The following CARM1 variants were observed in gnomAD, a reference collection of about 807,000 sequenced individuals.
The protein encoded by CARM1 is histone-arginine methyltransferase CARM1.
In CARM1, 14 loss-of-function variants were observed where a neutral mutation model predicts 72.7. That is an observed-to-expected ratio of 0.19 (90% CI 0.13 to 0.30). CARM1 has a LOEUF of 0.30. CARM1 is among the 10% of genes least tolerant of loss of function. The probability of loss-of-function intolerance (pLI) is 1.00; values close to 1 mark genes in which losing one functional copy is unlikely to be tolerated. For synonymous variants in CARM1, 333 were observed against 345.5 expected (o/e 0.96, Z 0.40); for missense variants, 432 against 833.7 (o/e 0.52, Z 5.93).
chr19:10,911,569 G>A (rs1257323263), intron 4 of CARM1, among the ~76,000 whole-genome samples: 1 of 152,198 alleles, frequency 6.6e-6, no homozygotes, highest in Non-Finnish European at 1.5e-5. Context: ...CATGCCCAGA[G>A]CATTTGTCCT....
intron 1 of CARM1, among the ~76,000 whole-genome samples, chr19:10,877,360 G>A (rs2073872246): frequency 6.6e-6 from 1 of 152,198 alleles, no homozygotes; most frequent in African/African-American, 2.4e-5. Flanking sequence ...GGCAGCTAGG[G>A]AAAGGGCAGT....
At chr19:10,897,195 T>C (rs2074030533) in intron 1 of CARM1, among the ~76,000 whole-genome samples, 1 of 152,218 alleles carries the variant, frequency 6.6e-6, no homozygotes, top group Non-Finnish European at 1.5e-5. Flanking sequence ...CCACTCTTGC[T>C]GTGTGACCTT....
rs1290796686 is a variant in CARM1, at chr19:10,912,152, T to C, written c.559-32T>C. Reference sequence around the variant, plus strand: ...ACCTCCCCATCACCGTCGCCTCCTATGTCTCGCTCTCACCTCCCACTCCTC... The same window carrying C: ...ACCTCCCCATCACCGTCGCCTCCTACGTCTCGCTCTCACCTCCCACTCCTC... On this transcript the variant is annotated intron_variant, in intron 4 of 15. Coordinates refer to ENST00000327064, the MANE Select transcript of CARM1 (RefSeq NM_199141.2). The surrounding 1 kb of genome is among the most constrained non-coding windows in gnomAD (Gnocchi z 4.5). 1 of 1,532,640 alleles carries C rather than the reference T, an allele frequency of 6.5e-7. No homozygotes were observed. The highest frequency in any genetic ancestry group is 9.0e-7 in the Non-Finnish European group (1 of 1,105,678). 94.9% of individuals were successfully genotyped at this position (1,532,640 alleles called of 1,614,324 possible).
At chr19:10,875,332 CT>C (rs963869652) in intron 1 of CARM1, among the ~76,000 whole-genome samples, 13 of 148,732 alleles carry the variant, frequency 8.7e-5, no homozygotes, top group Admixed American at 1.3e-4. Context: ...CTCTTTTTTC[CT>C]TTTTTTTTTA....
At chr19:10,903,902 C>T (rs1334972641) in intron 1 of CARM1, among the ~76,000 whole-genome samples, 1 of 152,200 alleles carries the variant, frequency 6.6e-6, no homozygotes, top group Non-Finnish European at 1.5e-5. Flanking sequence ...TGGGGTCTTG[C>T]TATGCTGCCC....
At chr19:10,882,200 CG>C (rs1327859618) in intron 1 of CARM1, among the ~76,000 whole-genome samples, 2 of 152,134 alleles carry the variant, frequency 1.3e-5, no homozygotes, top group Non-Finnish European at 2.9e-5. Context: ...CTTAAAATAG[CG>C]TCTGGCACTG....
chr19:10,873,931 G>T (rs999651716), intron 1 of CARM1, among the ~76,000 whole-genome samples: 1 of 151,792 alleles, frequency 6.6e-6, no homozygotes, highest in Admixed American at 6.6e-5. Context: ...GAGCCACCCC[G>T]CCCGGCCAGA....
intron 8 of CARM1, 67 bp from the exon 9 acceptor site, chr19:10,919,528 G>A: frequency 8.6e-7 from 1 of 1,162,718 alleles, no homozygotes; most frequent in Non-Finnish European, 1.3e-6. Flanking sequence ...GGGGGAAGGG[G>A]CAGGGCTCTC....
rs142339871 is a variant in CARM1, at chr19:10,879,367, C to T, written c.220+7445C>T. 7.9e-5 allele frequency among the ~76,000 whole-genome samples: 12 copies of T among 152,302 alleles called. No homozygotes were observed. The East Asian group carries it at 2.3e-3, about 29-fold the overall frequency. ...TGGGAAATGTAGTTTTCAATCTGAG[C>T]GGCCATGTGCTCAGCTGAATTTAGG... On this transcript the variant is annotated intron_variant, in intron 1 of 15. Transcript: ENST00000327064.
chr19:10,913,771 A>G, intron 5 of CARM1, 106 bp from the exon 6 acceptor site: 2 of 1,193,138 alleles, frequency 1.7e-6, no homozygotes, highest in South Asian at 3.2e-5. Flanking sequence ...GCAGAGGGGC[A>G]CCCAATGCCC....
chr19:10,873,001 G>A (rs2073831991), intron 1 of CARM1, among the ~76,000 whole-genome samples: 1 of 152,198 alleles, frequency 6.6e-6, no homozygotes, highest in South Asian at 2.1e-4. Context: ...CTTTGAAAAC[G>A]TGGACTAAAG....
At chr19:10,905,102 T>C (rs747667686) in intron 2 of CARM1, 26 bp downstream of exon 2, 24 of 1,609,922 alleles carry the variant, frequency 1.5e-5, no homozygotes, top group Non-Finnish European at 2.0e-5. Flanking sequence ...TCCATTCCGG[T>C]GACACCAGCC....
chr19:10,921,954 G>C lies in CARM1; in HGVS notation c.*197G>C, dbSNP rs755361805. ...TAACCCCCACCTCCCGGCCCTGAGCGTGTGTCGCTGCCATATTTTACACAA... is the reference window on the plus strand; with the variant it reads ...TAACCCCCACCTCCCGGCCCTGAGCCTGTGTCGCTGCCATATTTTACACAA... On this transcript the variant is annotated 3_prime_UTR_variant, in exon 16 of 16. Transcript: ENST00000327064. The C allele has an allele frequency of 1.5e-5, 8 of 540,202 alleles. No individual in the cohort carries two copies. The Admixed American group carries it at 2.8e-4, about 19-fold the overall frequency. The allele number at this position is 540,202 out of a possible 1,614,324, so 33.5% of individuals were successfully genotyped here.
At position 10,921,477 on chromosome 19, in the gene CARM1, GC is replaced by G. The variant is rs547141466; in HGVS notation, c.1684+36del. The G allele has an allele frequency of 2.8e-4, 445 of 1,586,944 alleles. 3 individuals carry two copies. The African/African-American group carries it at 5.5e-3, about 20-fold the overall frequency. ...GGTGGCGGGGGCAGGGCCCGTGGGGGCCGAGCTAGCGTGTGAGTCGCCATCC... is the reference window on the plus strand; with the variant it reads ...GGTGGCGGGGGCAGGGCCCGTGGGGGCGAGCTAGCGTGTGAGTCGCCATCC... On this transcript the variant is annotated intron_variant, in intron 15 of 15. Coordinates refer to ENST00000327064, the MANE Select transcript of CARM1 (RefSeq NM_199141.2).
chr19:10,907,283 G>A (rs899509399), intron 2 of CARM1, among the ~76,000 whole-genome samples: 3 of 151,740 alleles, frequency 2.0e-5, no homozygotes, highest in Middle Eastern at 3.2e-3. Context: ...CAGTCCACCC[G>A]CCTCAGCCTC....
At chr19:10,905,669 G>A (rs149942454) in intron 2 of CARM1, among the ~76,000 whole-genome samples, 18 of 152,272 alleles carry the variant, frequency 1.2e-4, no homozygotes, top group East Asian at 5.8e-4. Flanking sequence ...GTGCTGGTGC[G>A]AGGACAGCTG....
chr19:10,915,693 C>T lies in CARM1; in HGVS notation c.848-714C>T, dbSNP rs1211075390. Among the ~76,000 whole-genome samples the T allele has an allele frequency of 6.6e-6, 1 of 152,176 alleles. No individual in the cohort carries two copies. The highest frequency in any genetic ancestry group is 2.4e-5 in the African/African-American group (1 of 41,446). ...ACTGATACCTCAGGATCTCCTCCCC[C>T]AGCTTGCAAGGCTGGGGGGCCCACA... On this transcript the variant is annotated intron_variant, in intron 6 of 15. Coordinates refer to ENST00000327064, the MANE Select transcript of CARM1 (RefSeq NM_199141.2). This position sits in a 1 kb window ranked among gnomAD's most constrained non-coding sequence, Gnocchi z 4.6.
chr19:10,921,804 C>G lies in CARM1; in HGVS notation c.*47C>G, dbSNP rs1417197941. 1 of 1,536,522 alleles carries G rather than the reference C, an allele frequency of 6.5e-7. No individual in the cohort carries two copies. Among genetic ancestry groups the G allele is most frequent in the Non-Finnish European group, 8.8e-7 (1 of 1,136,568 alleles). On this transcript the variant is annotated 3_prime_UTR_variant, in exon 16 of 16. Transcript: ENST00000327064. ...AGCACCAGGAAACCAAATGATGTCC[C>G]TGCCCGCCGCCCCCGCCGGGCGGCT...
intron 1 of CARM1, among the ~76,000 whole-genome samples, chr19:10,899,023 G>A (rs991821935): frequency 6.6e-6 from 1 of 151,358 alleles, no homozygotes; most frequent in African/African-American, 2.4e-5. Flanking sequence ...AGAGGAACAC[G>A]GCTTAGCTTG....
Sources: gnomAD v4.1 joint callset for allele counts (sites outside exome capture counted in the v4.1 genomes callset) on GRCh38, gnomAD v4.1.1 for gene constraint, Gnocchi (gnomAD v3.1) non-coding constraint, MANE v1.5 for transcripts, NCBI Gene and HGNC (gene_info 2026-07-23, HGNC 2026-07-21) for gene names.